The following FRK variants were observed in gnomAD, a reference collection of about 807,000 sequenced individuals.
The protein encoded by FRK is tyrosine-protein kinase FRK.
In FRK, 51 loss-of-function variants were observed where a neutral mutation model predicts 56.4. The ratio of observed to expected loss-of-function variants is 0.90; its 90% CI spans 0.72 to 1.14. FRK has a LOEUF of 1.14. FRK is among the 50% of genes most tolerant of loss of function. The pLI is 0.00. For missense variants in FRK, 570 were observed against 601.4 expected, an observed-to-expected ratio of 0.95 and a Z score of 0.55; for synonymous variants, 245 against 217.9, an observed-to-expected ratio of 1.12 and a Z score of -1.10.
Position 115,944,279 on chromosome 6 carries a change from T to C in FRK, c.1105A>G (p.Lys369Glu), listed in dbSNP as rs777345077. 2.5e-6 allele frequency: 4 copies of C among 1,611,720 alleles called. No individual in the cohort carries two copies. The East Asian group carries it at 8.9e-5, about 36-fold the overall frequency. ...NVLVGEHNIY[K>E]VADFGLARVF... Reference sequence around the variant, plus strand: ...CTGGCAAGTCCAAAATCTGCTACTTTGTAGATATTATGTTCACCAACGAGG... The same window carrying C: ...CTGGCAAGTCCAAAATCTGCTACTTCGTAGATATTATGTTCACCAACGAGG... Residue 369 changes from lysine (K) to glutamate (E), a missense_variant, in exon 6 of 8, where the codon AAA becomes GAA. By Grantham distance (56) the Lys-to-Glu change is moderately conservative. Transcript: ENST00000606080.
At chr6:116,086,085 A>T in the FRK span, among the ~76,000 whole-genome samples, 2 of 151,582 alleles carry the variant, frequency 1.3e-5, no homozygotes, top group African/African-American at 4.9e-5. Context: ...TGCTCACTGT[A>T]AGCTCCGCCT....
chr6:115,995,268 A>G (rs903766154), intron 2 of FRK, among the ~76,000 whole-genome samples: 4 of 152,160 alleles, frequency 2.6e-5, no homozygotes, highest in African/African-American at 9.7e-5. Context: ...TCCAGCCACT[A>G]TCTTAATCTG....
the FRK span, among the ~76,000 whole-genome samples, chr6:116,081,854 A>G: frequency 6.6e-6 from 1 of 152,148 alleles, no homozygotes; most frequent in African/African-American, 2.4e-5. Context: ...ACTTCAGCAT[A>G]GGCACACACC....
chr6:116,087,492 A>G, the FRK span, among the ~76,000 whole-genome samples: 1 of 152,250 alleles, frequency 6.6e-6, no homozygotes, highest in South Asian at 2.1e-4. Flanking sequence ...CAGCATGCTA[A>G]ATAAACTTCA....
rs1416289999 is a variant in FRK, at chr6:115,931,513, G to T, written c.*10901C>A. On this transcript the variant is annotated 3_prime_UTR_variant, in exon 8 of 8. Coordinates refer to ENST00000606080, the MANE Select transcript of FRK (RefSeq NM_002031.3). ...GTAACTGTACAATATAAATATTAAA[G>T]AATACAATATAAAAACATGCATGTT... The T allele has an allele frequency of 3.3e-5, 5 of 152,102 alleles. No individual in the cohort carries two copies. Among genetic ancestry groups the T allele is most frequent in the Admixed American group, 1.3e-4 (2 of 15,292 alleles). 9.4% of individuals were successfully genotyped at this position (152,102 alleles called of 1,614,324 possible). A position where few individuals can be genotyped will look rare whatever the true frequency, so the allele number is the denominator to read the frequency against.
At chr6:116,049,253 G>A (rs1348537799) in intron 1 of FRK, among the ~76,000 whole-genome samples, 2 of 152,050 alleles carry the variant, frequency 1.3e-5, no homozygotes, top group African/African-American at 4.8e-5. Context: ...CTCCATGAAT[G>A]CTTCAGCTAA....
chr6:116,007,087 T>G (rs1043872681), intron 1 of FRK, among the ~76,000 whole-genome samples: 3 of 152,230 alleles, frequency 2.0e-5, no homozygotes, highest in African/African-American at 7.2e-5. Context: ...AGAAGCAATA[T>G]GGATGAAATA....
At position 115,943,047 on chromosome 6, in the gene FRK, T is replaced by C. The variant is rs1229491183; in HGVS notation, c.1279A>G (p.Ile427Val). 1.2e-6 allele frequency: 2 copies of C among 1,612,634 alleles called. No individual in the cohort carries two copies. Among genetic ancestry groups the C allele is most frequent in the South Asian group, 1.1e-5 (1 of 90,788 alleles). The change falls in exon 7 of 8, where the codon ATT (isoleucine) becomes GTT (valine). Residue 427 changes from isoleucine to valine, a missense_variant. Physicochemically the swap from Ile to Val is conservative, Grantham distance 29. Transcript: ENST00000606080. ...CTGTAAGGCATTTTGCCATAAGTAA[T>C]GATTTCATAAAGAAGGATTCCAAAT... ...WSFGILLYEIITYGKMPYSGM... is the reference protein window; with the variant it reads ...WSFGILLYEIVTYGKMPYSGM...
intron 5 of FRK, among the ~76,000 whole-genome samples, chr6:115,948,724 T>C (rs981981189): frequency 2.6e-5 from 4 of 152,246 alleles, no homozygotes; most frequent in African/African-American, 9.6e-5. Flanking sequence ...TCCACGTAGG[T>C]AATTCATATG....
chr6:116,033,592 T>C (rs569900184), intron 1 of FRK, among the ~76,000 whole-genome samples: 190 of 152,238 alleles, frequency 1.2e-3, no homozygotes, highest in Non-Finnish European at 2.2e-3. Context: ...ATAAAAGTCC[T>C]GTGGCAGAAG....
Position 115,934,159 on chromosome 6 carries a change from G to T in FRK, c.*8255C>A, listed in dbSNP as rs549734855. On this transcript the variant is annotated 3_prime_UTR_variant, in exon 8 of 8. Coordinates refer to ENST00000606080, the MANE Select transcript of FRK (RefSeq NM_002031.3). ...AATACAGAGATAGATAATTCTAACC[G>T]TTAATTCACCTCAGGGAATGTTCTC... is the stretch of plus-strand genomic sequence containing the variant. 1 of 152,128 alleles carries T rather than the reference G, an allele frequency of 6.6e-6. No individual in the cohort carries two copies. The highest frequency in any genetic ancestry group is 1.5e-5 in the Non-Finnish European group (1 of 68,020). The allele number at this position is 152,128 out of a possible 1,614,324, so 9.4% of individuals were successfully genotyped here. A position where few individuals can be genotyped will look rare whatever the true frequency, so the allele number is the denominator to read the frequency against.
At chr6:115,942,677 C>A in intron 7 of FRK, 52 bp from the exon 8 acceptor site, 1 of 1,481,200 alleles carries the variant, frequency 6.8e-7, no homozygotes, top group Non-Finnish European at 9.4e-7. Flanking sequence ...AGTTAAAGGT[C>A]AGAGTCTTAA....
chr6:115,976,553 G>A (rs1773998661), intron 2 of FRK, among the ~76,000 whole-genome samples: 1 of 152,112 alleles, frequency 6.6e-6, no homozygotes, highest in African/African-American at 2.4e-5. Flanking sequence ...TTTTCAGCTG[G>A]TCTTCTGGCA....
At chr6:116,001,350 T>C (rs1286035437) in intron 2 of FRK, among the ~76,000 whole-genome samples, 2 of 152,158 alleles carry the variant, frequency 1.3e-5, no homozygotes, top group Admixed American at 1.3e-4. Context: ...TGTGTGTATA[T>C]TTATCTAGAT....
intron 1 of FRK, among the ~76,000 whole-genome samples, chr6:116,021,846 G>T: frequency 6.6e-6 from 1 of 151,808 alleles, no homozygotes; most frequent in East Asian, 1.9e-4. Context: ...GTAAAAAATG[G>T]TCAAAGGAAA....
At chr6:115,951,771 C>T (rs1326511626) in intron 5 of FRK, among the ~76,000 whole-genome samples, 1 of 152,170 alleles carries the variant, frequency 6.6e-6, no homozygotes, top group South Asian at 2.1e-4. Context: ...CACACATTTC[C>T]TACTTTGAAG....
chr6:116,091,568 G>A, the FRK span, among the ~76,000 whole-genome samples: 2 of 152,296 alleles, frequency 1.3e-5, no homozygotes, highest in Non-Finnish European at 1.5e-5. Context: ...ACACATTTTG[G>A]CAACCATGAA....
chr6:116,070,645 C>G, the FRK span, among the ~76,000 whole-genome samples: 1 of 152,100 alleles, frequency 6.6e-6, no homozygotes, highest in Non-Finnish European at 1.5e-5. Context: ...CAGTATTTTC[C>G]AATTAAAAGA....
intron 1 of FRK, among the ~76,000 whole-genome samples, chr6:116,021,649 T>C (rs1048156702): frequency 1.3e-5 from 2 of 152,098 alleles, no homozygotes. Flanking sequence ...AAAGGTCATG[T>C]CACTTTAAAA....
Sources: gnomAD v4.1 joint callset for allele counts (sites outside exome capture counted in the v4.1 genomes callset) on GRCh38, gnomAD v4.1.1 for gene constraint, MANE v1.5 for transcripts, NCBI Gene and HGNC (gene_info 2026-07-23, HGNC 2026-07-21) for gene names.